The following KDR variants were observed in gnomAD, a reference collection of about 807,000 sequenced individuals.
KDR encodes the protein vascular endothelial growth factor receptor 2.
In KDR, 43 loss-of-function variants were observed where a neutral mutation model predicts 160.9. That is an observed-to-expected ratio of 0.27 (90% CI 0.21 to 0.34). The LOEUF (loss-of-function observed/expected upper bound fraction) is 0.34. Among genes scored for constraint, KDR ranks in the 10% least tolerant of loss-of-function variants. The probability of loss-of-function intolerance (pLI) is 1.00; values close to 1 mark genes in which losing one functional copy is unlikely to be tolerated. For synonymous variants in KDR, 617 were observed against 600.1 expected (o/e 1.03, Z -0.41); for missense variants, 1,469 against 1,666.4 (o/e 0.88, Z 2.06).
At position 55,114,269 on chromosome 4, in the gene KDR, G is replaced by C. The variant is rs760892416; in HGVS notation, c.659-4C>G. On this transcript the variant is annotated splice_polypyrimidine_tract_variant and splice_region_variant and intron_variant, in intron 5 of 29. Coordinates refer to ENST00000263923, the MANE Select transcript of KDR (RefSeq NM_002253.4). ...ACCACATCATAAATCCTATACCCTA[G>C]AGCAAGTAAATTGAAAAAACAGAAC... 8.1e-6 allele frequency: 13 copies of C among 1,613,508 alleles called. No homozygotes were observed. The highest frequency in any genetic ancestry group is 1.1e-5 in the South Asian group (1 of 91,060).
chr4:55,080,902 C>T (rs1166406306), intron 29 of KDR, among the ~76,000 whole-genome samples: 1 of 152,208 alleles, frequency 6.6e-6, no homozygotes, highest in Non-Finnish European at 1.5e-5. Context: ...TTTTCCCCAA[C>T]TTCTTCATGT....
intron 7 of KDR, among the ~76,000 whole-genome samples, chr4:55,111,043 T>C (rs1352912518): frequency 6.6e-6 from 1 of 152,144 alleles, no homozygotes; most frequent in Non-Finnish European, 1.5e-5. Flanking sequence ...CACTTGCTCC[T>C]CTGTGCAGCT....
At chr4:55,096,096 T>C (rs952724179) in intron 19 of KDR, 133 bp downstream of exon 19, 28 of 654,508 alleles carry the variant, frequency 4.3e-5, no homozygotes, top group Non-Finnish European at 7.7e-5. Flanking sequence ...CCATGAAATA[T>C]ATTTATTCCT....
chr4:55,122,035 T>C (rs892569812), intron 1 of KDR, among the ~76,000 whole-genome samples: 8 of 152,052 alleles, frequency 5.3e-5, no homozygotes, highest in African/African-American at 1.9e-4. Flanking sequence ...TTTAAAAACG[T>C]ATATAAATTT....
At chr4:55,112,332 T>C (rs536847637) in intron 7 of KDR, among the ~76,000 whole-genome samples, 1 of 152,276 alleles carries the variant, frequency 6.6e-6, no homozygotes, top group African/African-American at 2.4e-5. Flanking sequence ...TAATGAATAG[T>C]AAATATATTT....
chr4:55,125,119 G>T, intron 1 of KDR, 108 bp downstream of exon 1: 1 of 1,028,136 alleles, frequency 9.7e-7, no homozygotes, highest in Non-Finnish European at 1.5e-6. Context: ...AAAATGTCAA[G>T]TCCTGTCCAA....
Position 55,113,491 on chromosome 4 carries a change from A to G in KDR, c.799-10T>C, listed in dbSNP as rs1720650268. On this transcript the variant is annotated splice_polypyrimidine_tract_variant and intron_variant, in intron 6 of 29. Transcript: ENST00000263923. The stretch of plus-strand genomic sequence containing the variant: ...GTTTCTTATGCTGATGCTGAAAAAA[A>G]GAGTTGACTGAACTTCCAAAGCACA... The G allele has an allele frequency of 1.2e-6, 2 of 1,613,386 alleles. No homozygotes were observed. Among genetic ancestry groups the G allele is most frequent in the South Asian group, 1.1e-5 (1 of 91,078 alleles).
chr4:55,102,418 T>G lies in KDR; in HGVS notation c.2078A>C (p.Asn693Thr), dbSNP rs780199440. 3.5e-5 allele frequency: 56 copies of G among 1,613,616 alleles called. No homozygotes were observed. Among genetic ancestry groups the G allele is most frequent in the Non-Finnish European group, 4.7e-5 (56 of 1,179,722 alleles). Residue 693 changes from asparagine (N) to threonine (T), a missense_variant, in exon 14 of 30, where the codon AAT becomes ACT. Asn to Thr is a moderately conservative substitution (Grantham distance 65). Transcript: ENST00000263923. Reference sequence around the variant, plus strand: ...AAACCACATGATCTGTGGAGGGGGATTCCCAGATGCCGTGCATGAGACTTC... The same window carrying G: ...AAACCACATGATCTGTGGAGGGGGAGTCCCAGATGCCGTGCATGAGACTTC... ...SIEVSCTASG[N>T]PPPQIMWFKD... is the part of the protein sequence containing the mutation.
At chr4:55,081,007 A>G (rs1280141930) in intron 29 of KDR, among the ~76,000 whole-genome samples, 4 of 152,230 alleles carry the variant, frequency 2.6e-5, no homozygotes, top group Non-Finnish European at 4.4e-5. Context: ...TTTCAATTCA[A>G]CCCCAACAAA....
intron 2 of KDR, among the ~76,000 whole-genome samples, chr4:55,120,360 A>G (rs181429440): frequency 6.6e-6 from 1 of 152,152 alleles, no homozygotes; most frequent in Non-Finnish European, 1.5e-5. Flanking sequence ...TTCGTGTGTG[A>G]TCACTATGTT....
intron 1 of KDR, among the ~76,000 whole-genome samples, chr4:55,124,829 G>A (rs1271165272): frequency 6.6e-6 from 1 of 152,124 alleles, no homozygotes; most frequent in Non-Finnish European, 1.5e-5. Flanking sequence ...TCTTCCCCGG[G>A]CCCGGACTAG....
intron 27 of KDR, 22 bp downstream of exon 27, chr4:55,087,585 G>A: frequency 6.2e-7 from 1 of 1,612,672 alleles, no homozygotes; most frequent in Non-Finnish European, 8.5e-7. Flanking sequence ...TCCCCCGGGG[G>A]ATGTTAGGCC....
At chr4:55,107,624 G>C in intron 10 of KDR, 113 bp downstream of exon 10, 6 of 1,308,920 alleles carry the variant, frequency 4.6e-6, no homozygotes, top group Non-Finnish European at 6.6e-6. Flanking sequence ...GCTACCTCTT[G>C]AGAGAAAACT....
chr4:55,121,833 T>A (rs562709055), intron 1 of KDR, among the ~76,000 whole-genome samples: 2 of 152,310 alleles, frequency 1.3e-5, no homozygotes, highest in East Asian at 3.9e-4. Context: ...TATACTTTTA[T>A]GTATGTGTGG....
chr4:55,081,845 C>T, intron 29 of KDR, 111 bp downstream of exon 29: 4 of 702,520 alleles, frequency 5.7e-6, no homozygotes, highest in East Asian at 5.2e-5. Context: ...ATGCTAATTT[C>T]TCCAACCAAC....
chr4:55,107,178 G>A (rs1362890171), intron 10 of KDR, among the ~76,000 whole-genome samples: 1 of 152,198 alleles, frequency 6.6e-6, no homozygotes, highest in Non-Finnish European at 1.5e-5. Flanking sequence ...ATGATCAGCA[G>A]CTGAGGAAGA....
chr4:55,106,047 C>T (rs1205399180), intron 11 of KDR, 107 bp from the exon 12 acceptor site: 3 of 791,880 alleles, frequency 3.8e-6, no homozygotes, highest in African/African-American at 3.4e-5. Flanking sequence ...TATGCCATTC[C>T]CACTTCTGCA....
At chr4:55,086,376 A>C (rs1425151990) in intron 27 of KDR, among the ~76,000 whole-genome samples, 1 of 152,148 alleles carries the variant, frequency 6.6e-6, no homozygotes, top group Non-Finnish European at 1.5e-5. Flanking sequence ...CAGAGGGTAG[A>C]TGATTTGCCC....
At position 55,125,250 on chromosome 4, in the gene KDR, A is replaced by C. The variant is rs1721002005; in HGVS notation, c.44T>G (p.Val15Gly). The change falls in exon 1 of 30, where the codon GTG (valine) becomes GGG (glycine). Residue 15 changes from valine to glycine, a missense_variant. Coordinates refer to ENST00000263923, the MANE Select transcript of KDR (RefSeq NM_002253.4). ...VLLAVALWLC[V>G]ETRAASVGLP... is the part of the protein sequence containing the mutation. ...ACCCACAGAGGCGGCCCGGGTCTCCACGCAGAGCCACAGGGCGACGGCCAG... is the reference window on the plus strand; with the variant it reads ...ACCCACAGAGGCGGCCCGGGTCTCCCCGCAGAGCCACAGGGCGACGGCCAG... 6.2e-7 allele frequency: 1 copy of C among 1,612,836 alleles called. No homozygotes were observed. Among genetic ancestry groups the C allele is most frequent in the East Asian group, 2.2e-5 (1 of 44,862 alleles).
Sources: allele counts gnomAD v4.1 joint callset (sites outside exome capture counted in the v4.1 genomes callset), GRCh38; gene constraint gnomAD v4.1.1; transcripts MANE v1.5; gene names NCBI Gene and HGNC (gene_info 2026-07-23, HGNC 2026-07-21).